SLC44A1: variants seen among roughly 807,000 people sequenced by gnomAD.
The protein encoded by SLC44A1 is choline transporter-like protein 1.
In SLC44A1, 26 loss-of-function variants were observed where a neutral mutation model predicts 79.3. The ratio of observed to expected loss-of-function variants is 0.33; its 90% CI spans 0.24 to 0.46. The LOEUF is 0.46. Ranked by LOEUF, SLC44A1 falls within the 20% of genes least tolerant of loss-of-function variation. The pLI is 1.00. For missense variants in SLC44A1, 688 were observed against 798.1 expected (o/e 0.86, Z 1.66); for synonymous variants, 263 against 286.2 (o/e 0.92, Z 0.82).
intron 15 of SLC44A1, among the ~76,000 whole-genome samples, chr9:105,415,613 A>C (rs1588876493): frequency 6.6e-6 from 1 of 152,040 alleles, no homozygotes; most frequent in African/African-American, 2.4e-5. Flanking sequence ...ACAATTAACA[A>C]CCCCTGAAAC....
chr9:105,351,632 G>GAAGAAAGAAAGAAAGAAAGAA (rs768336417), intron 5 of SLC44A1, among the ~76,000 whole-genome samples: 1 of 101,358 alleles, frequency 9.9e-6, no homozygotes. Flanking sequence ...GAGAGAGAAA[G>GAAGAAAGAAAGAAAGAAAGAA]AGAAAGAAAG....
intron 2 of SLC44A1, among the ~76,000 whole-genome samples, chr9:105,304,621 A>T (rs1285590308): frequency 6.6e-6 from 1 of 152,122 alleles, no homozygotes; most frequent in Non-Finnish European, 1.5e-5. Context: ...TTAGAATCAT[A>T]ATAGTTTTGA....
At chr9:105,315,482 G>A (rs940786361) in intron 3 of SLC44A1, among the ~76,000 whole-genome samples, 13 of 151,956 alleles carry the variant, frequency 8.6e-5, no homozygotes, top group African/African-American at 3.1e-4. Context: ...TCATAGTCCT[G>A]TATCTTTAGT....
intron 1 of SLC44A1, among the ~76,000 whole-genome samples, chr9:105,289,441 C>A (rs79840381): frequency 1.3e-5 from 2 of 152,122 alleles, no homozygotes; most frequent in African/African-American, 4.8e-5. Flanking sequence ...ATTACACTTA[C>A]CATCAAAAAG....
At chr9:105,381,321 C>T (rs1828456885) in intron 13 of SLC44A1, among the ~76,000 whole-genome samples, 1 of 151,968 alleles carries the variant, frequency 6.6e-6, no homozygotes, top group Non-Finnish European at 1.5e-5. Flanking sequence ...GGGCGGATCA[C>T]CTGAGGTCAG....
chr9:105,431,735 A>G (rs907299245), intron 15 of SLC44A1, among the ~76,000 whole-genome samples: 1 of 152,192 alleles, frequency 6.6e-6, no homozygotes, highest in Non-Finnish European at 1.5e-5. Context: ...AGTAATTTTT[A>G]GGCGGGTATA....
chr9:105,252,750 T>C (rs944636672), intron 1 of SLC44A1, among the ~76,000 whole-genome samples: 2 of 152,252 alleles, frequency 1.3e-5, no homozygotes, highest in African/African-American at 2.4e-5. Flanking sequence ...CATTGTTATC[T>C]CTGCTGTGGG....
In SLC44A1 at chr9:105,391,769, A is replaced by G. The variant is rs1828766844; in HGVS notation, c.*2713A>G. On this transcript the variant is annotated 3_prime_UTR_variant, in exon 16 of 16. Transcript: ENST00000374720. ...CCCAAGTGAGAAGAATAGATGAAGAACAGAAATTTCTCTGTGAAATGTGGA... is the reference window on the plus strand; with the variant it reads ...CCCAAGTGAGAAGAATAGATGAAGAGCAGAAATTTCTCTGTGAAATGTGGA... The G allele has an allele frequency of 1.0e-6, 1 of 985,232 alleles. No individual in the cohort carries two copies. The allele number at this position is 985,232 out of a possible 1,614,324, so 61.0% of individuals were successfully genotyped here.
At chr9:105,376,410 A>G (rs1653614077) in intron 13 of SLC44A1, among the ~76,000 whole-genome samples, 1 of 143,882 alleles carries the variant, frequency 7.0e-6, no homozygotes, top group African/African-American at 2.7e-5. Flanking sequence ...TTTCACTCTT[A>G]TTGCCCAGGC....
intron 3 of SLC44A1, among the ~76,000 whole-genome samples, chr9:105,334,722 A>G (rs748348706): frequency 1.3e-5 from 2 of 152,202 alleles, no homozygotes; most frequent in Non-Finnish European, 2.9e-5. Flanking sequence ...AGCATCTACA[A>G]TCTTTATCAT....
At chr9:105,405,204 C>T (rs1435580545) in intron 15 of SLC44A1, among the ~76,000 whole-genome samples, 1 of 151,842 alleles carries the variant, frequency 6.6e-6, no homozygotes, top group Non-Finnish European at 1.5e-5. Flanking sequence ...ACCTGCAATC[C>T]CAGCTACTCG....
rs552352070 is a variant in SLC44A1 at position 105,264,269 on chromosome 9, T to C, written c.36+19365T>C. On this transcript the variant is annotated intron_variant, in intron 1 of 15. Transcript: ENST00000374720. Reference sequence around the variant, plus strand: ...GCCTCAACCTCCCAGGCTCAAGTGATCCTCCCACCTCAGCCTCCTGAATAG... The same window carrying C: ...GCCTCAACCTCCCAGGCTCAAGTGACCCTCCCACCTCAGCCTCCTGAATAG... Among the ~76,000 whole-genome samples the C allele has an allele frequency of 2.3e-3, 352 of 152,266 alleles. 1 individual carries two copies. The highest frequency in any genetic ancestry group is 4.4e-3 in the Non-Finnish European group (297 of 68,026).
chr9:105,343,075 G>A (rs1458777370), intron 4 of SLC44A1, among the ~76,000 whole-genome samples: 1 of 151,790 alleles, frequency 6.6e-6, no homozygotes, highest in Non-Finnish European at 1.5e-5. Flanking sequence ...TAGTTCACAT[G>A]GAATTTTTAT....
intron 1 of SLC44A1, among the ~76,000 whole-genome samples, chr9:105,287,004 A>G (rs990665683): frequency 6.6e-6 from 1 of 152,206 alleles, no homozygotes. Context: ...GAGGACAGAA[A>G]GGGTAGAACC....
In SLC44A1 at chr9:105,391,728, C is replaced by G; in HGVS notation, c.*2672C>G. The G allele has an allele frequency of 1.0e-6, 1 of 985,348 alleles. No homozygotes were observed. The highest frequency in any genetic ancestry group is 1.2e-6 in the Non-Finnish European group (1 of 829,908). 61.0% of individuals were successfully genotyped at this position (985,348 alleles called of 1,614,324 possible). On this transcript the variant is annotated 3_prime_UTR_variant, in exon 16 of 16. Transcript: ENST00000374720. ...GGGCTGCCTTATTGCTATTCGCTCA[C>G]TGCTTCCATCTTCTGCCCAAGTGAG...
Position 105,356,222 on chromosome 9 carries a change from C to A in SLC44A1, c.511C>A (p.Pro171Thr), listed in dbSNP as rs780351376. Residue 171 changes from proline (P) to threonine (T), a missense_variant, in exon 6 of 16, where the codon CCA becomes ACA. Physicochemically the swap from Pro to Thr is conservative, Grantham distance 38. Coordinates refer to ENST00000374720, the MANE Select transcript of SLC44A1 (RefSeq NM_080546.5). ...KLPVPASAPI[P>T]FFHRCAPVNI... ...TTCTTGTGTCACCAGTGCACCTATT[C>A]CATTCTTCCATCGCTGTGCTCCTGT... 1.2e-6 allele frequency: 2 copies of A among 1,612,174 alleles called. No individual in the cohort carries two copies. The highest frequency in any genetic ancestry group is 1.7e-6 in the Non-Finnish European group (2 of 1,179,332).
chr9:105,389,746 G>T lies in SLC44A1; in HGVS notation c.*690G>T. ...AAGAAAGTAGGTAAAAAAAGAAAAG[G>T]GTAGATAATCTTTCGTATGCAAACT... On this transcript the variant is annotated 3_prime_UTR_variant, in exon 16 of 16. Coordinates refer to ENST00000374720, the MANE Select transcript of SLC44A1 (RefSeq NM_080546.5). 1 of 1,295,432 alleles carries T rather than the reference G, an allele frequency of 7.7e-7. No homozygotes were observed. The highest frequency in any genetic ancestry group is 9.8e-7 in the Non-Finnish European group (1 of 1,016,860). The allele number at this position is 1,295,432 out of a possible 1,614,324, so 80.2% of individuals were successfully genotyped here. A position where few individuals can be genotyped will look rare whatever the true frequency, so the allele number is the denominator to read the frequency against.
chr9:105,424,110 T>G (rs1322992138), intron 15 of SLC44A1, among the ~76,000 whole-genome samples: 1 of 152,164 alleles, frequency 6.6e-6, no homozygotes, highest in Non-Finnish European at 1.5e-5. Flanking sequence ...TTAATTTTGA[T>G]TAGATGCAAT....
chr9:105,268,049 A>G (rs1467457152), intron 1 of SLC44A1, among the ~76,000 whole-genome samples: 1 of 152,114 alleles, frequency 6.6e-6, no homozygotes, highest in Non-Finnish European at 1.5e-5. Flanking sequence ...TGGTTTCAAT[A>G]TTCAGTGTAT....
Sources: gnomAD v4.1 joint callset for allele counts (sites outside exome capture counted in the v4.1 genomes callset) on GRCh38, gnomAD v4.1.1 for gene constraint, MANE v1.5 for transcripts, NCBI Gene and HGNC (gene_info 2026-07-23, HGNC 2026-07-21) for gene names.